Variants in CLTCL1 observed in about 807,000 individuals in gnomAD.
CLTCL1 encodes clathrin heavy chain like 1, also known as clathrin heavy chain 2.
A neutral mutation model predicts 190.0 loss-of-function variants in CLTCL1; 159 were observed. The observed-to-expected ratio is 0.84, with a 90% CI of 0.74 to 0.95. The LOEUF (loss-of-function observed/expected upper bound fraction) is 0.95, where lower values mean the gene tolerates loss of function less well. CLTCL1 is among the 40% of genes least tolerant of loss of function. The pLI is 0.00. For synonymous variants in CLTCL1, 752 were observed against 769.6 expected (o/e 0.98, Z 0.38); for missense variants, 1,878 against 2,033.4 (o/e 0.92, Z 1.47).
chr22:19,264,324 G>A (rs1555976945), intron 2 of CLTCL1, among the ~76,000 whole-genome samples: 4 of 151,412 alleles, frequency 2.6e-5, no homozygotes, highest in Non-Finnish European at 2.9e-5. Context: ...TGAAAAAATT[G>A]GAACCCTGTG....
At chr22:19,252,111 T>A (rs901596067) in intron 3 of CLTCL1, among the ~76,000 whole-genome samples, 1 of 152,248 alleles carries the variant, frequency 6.6e-6, no homozygotes, top group Non-Finnish European at 1.5e-5. Context: ...TTCTCATACA[T>A]GTCTCTATTC....
intron 23 of CLTCL1, among the ~76,000 whole-genome samples, chr22:19,200,630 G>C (rs2084851771): frequency 6.6e-6 from 1 of 152,190 alleles, no homozygotes; most frequent in Admixed American, 6.5e-5. Context: ...CATGAGGTCA[G>C]GAGATAGAGA....
chr22:19,263,926 A>G (rs1006396951), intron 2 of CLTCL1, among the ~76,000 whole-genome samples: 3 of 152,090 alleles, frequency 2.0e-5, no homozygotes, highest in Admixed American at 6.5e-5. Context: ...TGGAAATCAT[A>G]TATCTGACAA....
chr22:19,249,807 G>T, intron 3 of CLTCL1: 1 of 241,108 alleles, frequency 4.1e-6, no homozygotes, highest in South Asian at 4.2e-5. Context: ...CCTTTAATCA[G>T]AAAATTAACT....
intron 22 of CLTCL1, among the ~76,000 whole-genome samples, chr22:19,204,484 G>A (rs554294779): frequency 6.6e-6 from 1 of 152,124 alleles, no homozygotes. Flanking sequence ...TCCCTGCCCC[G>A]CTTCACTTAG....
At chr22:19,180,627 TC>T in intron 31 of CLTCL1, 103 bp downstream of exon 31, 1 of 1,112,550 alleles carries the variant, frequency 9.0e-7, no homozygotes, top group Non-Finnish European at 1.3e-6. Flanking sequence ...CCCCCACCCA[TC>T]TATTCCCATC....
intron 29 of CLTCL1, among the ~76,000 whole-genome samples, chr22:19,185,676 G>A (rs2084292875): frequency 6.6e-6 from 1 of 152,230 alleles, no homozygotes. Context: ...ACTCTCTTCT[G>A]GGCCCACGTG....
At chr22:19,258,968 A>G (rs1555974238) in intron 2 of CLTCL1, among the ~76,000 whole-genome samples, 1 of 152,208 alleles carries the variant, frequency 6.6e-6, no homozygotes, top group Non-Finnish European at 1.5e-5. Context: ...TATGACAATA[A>G]AAGAAAAAAA....
intron 1 of CLTCL1, among the ~76,000 whole-genome samples, chr22:19,276,878 T>C (rs782452266): frequency 1.3e-5 from 2 of 152,132 alleles, no homozygotes; most frequent in Admixed American, 1.3e-4. Context: ...TTCACCGTGT[T>C]AGCCAGGATG....
chr22:19,230,350 C>T (rs1017217814), intron 10 of CLTCL1, among the ~76,000 whole-genome samples: 38 of 152,194 alleles, frequency 2.5e-4, no homozygotes, highest in African/African-American at 8.4e-4. Context: ...GTGATCCGCC[C>T]GCCTCGGCCT....
chr22:19,243,718 G>A (rs1229632966), intron 3 of CLTCL1, among the ~76,000 whole-genome samples: 1 of 43,312 alleles, frequency 2.3e-5, no homozygotes, highest in African/African-American at 8.4e-5. Flanking sequence ...TTTTTTTTGT[G>A]ATGGAGTCTT....
intron 12 of CLTCL1, 30 bp downstream of exon 12, chr22:19,226,189 A>C: frequency 6.2e-7 from 1 of 1,606,414 alleles, no homozygotes; most frequent in Non-Finnish European, 8.5e-7. Context: ...GACAACAGCC[A>C]TAATAGGAGT....
intron 1 of CLTCL1, among the ~76,000 whole-genome samples, chr22:19,276,891 C>T (rs1021945985): frequency 6.6e-6 from 1 of 152,088 alleles, no homozygotes; most frequent in Non-Finnish European, 1.5e-5. Context: ...CCAGGATGGT[C>T]TCAATCTCCT....
intron 21 of CLTCL1, 147 bp downstream of exon 21, chr22:19,208,775 C>CA: frequency 1.5e-6 from 1 of 660,588 alleles, no homozygotes; most frequent in South Asian, 2.4e-5. Context: ...ATCTCAGACT[C>CA]TTGTGGGAAA....
chr22:19,267,039 T>C (rs1166388817), intron 2 of CLTCL1, among the ~76,000 whole-genome samples: 1 of 152,194 alleles, frequency 6.6e-6, no homozygotes, highest in Non-Finnish European at 1.5e-5. Context: ...AAGGAAGATG[T>C]AAAACTGTCT....
intron 11 of CLTCL1, among the ~76,000 whole-genome samples, chr22:19,227,277 CTTTTT>C (rs11375007): frequency 1.7e-5 from 2 of 121,090 alleles, no homozygotes; most frequent in South Asian, 2.7e-4. Context: ...GGCATAAAAT[CTTTTT>C]TTTTTTTTTT....
chr22:19,289,279 G>A (rs1300514370), intron 1 of CLTCL1, among the ~76,000 whole-genome samples: 6 of 152,152 alleles, frequency 3.9e-5, no homozygotes, highest in African/African-American at 1.4e-4. Flanking sequence ...CACCATGCTC[G>A]GCCTGATTTT....
chr22:19,230,619 C>A (rs2085891360), intron 10 of CLTCL1, among the ~76,000 whole-genome samples: 1 of 152,154 alleles, frequency 6.6e-6, no homozygotes, highest in African/African-American at 2.4e-5. Flanking sequence ...AAAATCATAT[C>A]ACCTACATCA....
intron 11 of CLTCL1, among the ~76,000 whole-genome samples, chr22:19,228,805 C>T (rs2085833570): frequency 6.6e-6 from 1 of 152,166 alleles, no homozygotes; most frequent in African/African-American, 2.4e-5. Context: ...CCCAAAATAG[C>T]ACAGACATGT....
Sources: gnomAD v4.1 joint callset for allele counts (sites outside exome capture counted in the v4.1 genomes callset) on GRCh38, gnomAD v4.1.1 for gene constraint, MANE v1.5 for transcripts, NCBI Gene and HGNC (gene_info 2026-07-23, HGNC 2026-07-21) for gene names.